EXT1: variants seen among roughly 807,000 people sequenced by gnomAD.
EXT1 encodes exostosin-1.
A neutral mutation model predicts 82.5 loss-of-function variants in EXT1; 20 were observed. That is an observed-to-expected ratio of 0.24 (90% CI 0.17 to 0.35). The LOEUF is 0.35. Among genes scored for constraint, EXT1 ranks in the 10% least tolerant of loss-of-function variants. The pLI is 1.00. For missense variants in EXT1, 757 were observed against 936.5 expected (o/e 0.81, Z 2.50); for synonymous variants, 348 against 350.8 (o/e 0.99, Z 0.09).
intron 1 of EXT1, among the ~76,000 whole-genome samples, chr8:117,939,748 T>C (rs778209640): frequency 3.9e-5 from 6 of 152,202 alleles, no homozygotes; most frequent in Non-Finnish European, 7.3e-5. Flanking sequence ...TTGTGGTGCA[T>C]ATCCTTTATT....
intron 4 of EXT1, among the ~76,000 whole-genome samples, chr8:117,827,850 C>T: frequency 7.5e-6 from 1 of 132,998 alleles, no homozygotes; most frequent in East Asian, 2.5e-4. Flanking sequence ...AAACGGACTT[C>T]AAATTCAAGG....
chr8:117,985,904 C>T (rs1409745499), intron 1 of EXT1, among the ~76,000 whole-genome samples: 1 of 152,162 alleles, frequency 6.6e-6, no homozygotes, highest in African/African-American at 2.4e-5. Context: ...TAAGTTATCA[C>T]TTTGTTTTCT....
chr8:117,862,118 GT>G (rs1465054092), intron 1 of EXT1, among the ~76,000 whole-genome samples: 1 of 146,022 alleles, frequency 6.8e-6, no homozygotes, highest in African/African-American at 2.4e-5. Context: ...GGTTAATTTT[GT>G]TGCCAGCAGG....
At chr8:117,871,863 G>T (rs1812879245) in intron 1 of EXT1, among the ~76,000 whole-genome samples, 1 of 152,162 alleles carries the variant, frequency 6.6e-6, no homozygotes, top group African/African-American at 2.4e-5. Context: ...AGTGGCTCAT[G>T]GCTGTAATCC....
chr8:118,008,588 T>G (rs1392497214), intron 1 of EXT1, among the ~76,000 whole-genome samples: 1 of 152,204 alleles, frequency 6.6e-6, no homozygotes, highest in Admixed American at 6.5e-5. Context: ...TTTCACTTCA[T>G]GTATTATGGA....
chr8:117,875,437 T>C (rs1812952015), intron 1 of EXT1, among the ~76,000 whole-genome samples: 1 of 147,568 alleles, frequency 6.8e-6, no homozygotes. Context: ...AATAAATAAA[T>C]AAATAAATAA....
chr8:117,802,332 G>C (rs1172730060), intron 10 of EXT1, among the ~76,000 whole-genome samples: 1 of 152,144 alleles, frequency 6.6e-6, no homozygotes, highest in Non-Finnish European at 1.5e-5. Flanking sequence ...TTTTTAAAAT[G>C]TCATGTCCTT....
At chr8:117,863,958 A>G (rs1450484197) in intron 1 of EXT1, among the ~76,000 whole-genome samples, 1 of 152,170 alleles carries the variant, frequency 6.6e-6, no homozygotes, top group East Asian at 1.9e-4. Context: ...CATGTTGCAG[A>G]AAAGGTTTCT....
intron 1 of EXT1, among the ~76,000 whole-genome samples, chr8:117,899,272 C>T (rs572619177): frequency 6.6e-6 from 1 of 152,244 alleles, no homozygotes; most frequent in East Asian, 1.9e-4. Flanking sequence ...TTTAAAAATA[C>T]AGTTTTACAA....
chr8:118,041,697 G>GGAA (rs1463882967), intron 1 of EXT1, among the ~76,000 whole-genome samples: 3 of 150,786 alleles, frequency 2.0e-5, no homozygotes, highest in Admixed American at 6.6e-5. Context: ...AAGGAAGGAA[G>GGAA]GAAGGAAGGA....
intron 1 of EXT1, among the ~76,000 whole-genome samples, chr8:117,940,580 C>A (rs887712948): frequency 4.6e-5 from 7 of 152,148 alleles, no homozygotes; most frequent in African/African-American, 1.7e-4. Flanking sequence ...ACGCTGCACC[C>A]TCAAGAAACT....
chr8:118,097,537 C>G (rs1817643295), intron 1 of EXT1, among the ~76,000 whole-genome samples: 2 of 152,152 alleles, frequency 1.3e-5, no homozygotes, highest in African/African-American at 2.4e-5. Context: ...TTCAGAAGCT[C>G]CCCAGGAGAG....
intron 1 of EXT1, among the ~76,000 whole-genome samples, chr8:118,033,735 C>G (rs560863364): frequency 7.9e-4 from 121 of 152,270 alleles, no homozygotes; most frequent in Non-Finnish European, 1.4e-3. Flanking sequence ...CTGCTTCGGC[C>G]TCTGAAAGTG....
At chr8:117,915,486 T>A (rs544961266) in intron 1 of EXT1, among the ~76,000 whole-genome samples, 10 of 152,286 alleles carry the variant, frequency 6.6e-5, no homozygotes, top group South Asian at 2.1e-4. Flanking sequence ...GAAATTTAAG[T>A]TATTTCAAAT....
At chr8:117,871,186 A>T (rs1812863539) in intron 1 of EXT1, among the ~76,000 whole-genome samples, 1 of 152,236 alleles carries the variant, frequency 6.6e-6, no homozygotes, top group Non-Finnish European at 1.5e-5. Context: ...GTTTTCTGAT[A>T]TAATCAAGGA....
chr8:117,867,411 G>A (rs1174634964), intron 1 of EXT1, among the ~76,000 whole-genome samples: 1 of 152,128 alleles, frequency 6.6e-6, no homozygotes, highest in Non-Finnish European at 1.5e-5. Context: ...GTCCGTCCAT[G>A]GGCAATTCCA....
Position 118,110,787 on chromosome 8 carries a change from T to A in EXT1, c.260A>T (p.Asp87Val), listed in dbSNP as rs2130044605. 6.2e-7 allele frequency: 1 copy of A among 1,613,742 alleles called. No individual in the cohort carries two copies. Residue 87 changes from aspartate (D) to valine (V), a missense_variant, in exon 1 of 11, where the codon GAT becomes GTT. Transcript: ENST00000378204. ...GCCTTTGTAGATGCTGGAGTTGGCATCTCGCTTCTGCCGGGGGGAAATGTG... is the reference window on the plus strand; with the variant it reads ...GCCTTTGTAGATGCTGGAGTTGGCAACTCGCTTCTGCCGGGGGGAAATGTG... ...SVHISPRQKR[D>V]ANSSIYKGKK...
chr8:117,794,517 TTC>T lies in EXT1; in HGVS notation c.*5193_*5194del, dbSNP rs1397755246. 1 of 151,942 alleles carries T rather than the reference TTC, an allele frequency of 6.6e-6. No individual in the cohort carries two copies. Among genetic ancestry groups the T allele is most frequent in the East Asian group, 1.9e-4 (1 of 5,202 alleles). The allele number at this position is 151,942 out of a possible 1,614,324, so 9.4% of individuals were successfully genotyped here. A position where few individuals can be genotyped will look rare whatever the true frequency, so the allele number is the denominator to read the frequency against. ...AAAAGTCATGTCATTTATTAATAAT[TTC>T]TTTTTTTTTTCTTCTATAAATTGGA... is the stretch of plus-strand genomic sequence containing the variant. On this transcript the variant is annotated 3_prime_UTR_variant, in exon 11 of 11. Coordinates refer to ENST00000378204, the MANE Select transcript of EXT1 (RefSeq NM_000127.3).
chr8:117,795,187 T>G lies in EXT1; in HGVS notation c.*4525A>C, dbSNP rs1046429540. The G allele has an allele frequency of 2.6e-5, 4 of 152,232 alleles. No homozygotes were observed. Among genetic ancestry groups the G allele is most frequent in the African/African-American group, 9.7e-5 (4 of 41,442 alleles). The allele number at this position is 152,232 out of a possible 1,614,324, so 9.4% of individuals were successfully genotyped here. A position where few individuals can be genotyped will look rare whatever the true frequency, so the allele number is the denominator to read the frequency against. On this transcript the variant is annotated 3_prime_UTR_variant, in exon 11 of 11. Coordinates refer to ENST00000378204, the MANE Select transcript of EXT1 (RefSeq NM_000127.3). Reference sequence around the variant, plus strand: ...CTCAGCTTTCTCAAGGTTTGCCTTCTTCTCCTAGTTGCTGGGCCATGTTAA... The same window carrying G: ...CTCAGCTTTCTCAAGGTTTGCCTTCGTCTCCTAGTTGCTGGGCCATGTTAA...
Sources: gnomAD v4.1 joint callset for allele counts (sites outside exome capture counted in the v4.1 genomes callset) on GRCh38, gnomAD v4.1.1 for gene constraint, MANE v1.5 for transcripts, NCBI Gene and HGNC (gene_info 2026-07-23, HGNC 2026-07-21) for gene names.